COP1: variants seen among roughly 807,000 people sequenced by gnomAD.
COP1 encodes the protein E3 ubiquitin-protein ligase COP1.
Under a neutral mutation model 101.3 loss-of-function variants are expected in COP1, and 24 were observed. The observed-to-expected ratio is 0.24, with a 90% confidence interval of 0.17 to 0.33. The LOEUF (loss-of-function observed/expected upper bound fraction) is 0.33. Among genes scored for constraint, COP1 ranks in the 10% least tolerant of loss-of-function variants. The pLI is 1.00. For missense variants in COP1, 663 were observed against 906.2 expected (o/e 0.73, Z 3.45); for synonymous variants, 347 against 341.9 (o/e 1.01, Z -0.17).
At chr1:176,128,900 C>G (rs1183070151) in intron 8 of COP1, among the ~76,000 whole-genome samples, 1 of 151,854 alleles carries the variant, frequency 6.6e-6, no homozygotes, top group Non-Finnish European at 1.5e-5. Flanking sequence ...AGGTAATAAT[C>G]CAGCCAAAGA....
At chr1:176,063,743 G>A (rs547812717) in intron 11 of COP1, among the ~76,000 whole-genome samples, 11 of 152,220 alleles carry the variant, frequency 7.2e-5, no homozygotes, top group African/African-American at 2.4e-4. Context: ...TTTTTGGGGG[G>A]CTCTGTTTGA....
Position 175,988,400 on chromosome 1 carries a change from ACTGT to A in COP1, c.1856_1859del (p.Asp619ValfsTer3). 6.2e-7 allele frequency: 1 copy of A among 1,601,834 alleles called. No homozygotes were observed. The highest frequency in any genetic ancestry group is 8.5e-7 in the Non-Finnish European group (1 of 1,171,974). On this transcript the variant is annotated frameshift_variant, in exon 17 of 20. Coordinates refer to ENST00000367669, the MANE Select transcript of COP1 (RefSeq NM_022457.7). LOFTEE classifies it high-confidence loss of function. ...TCCCTACATTCCACAGTTTTAGCTGACTGTCTGTTGAGCTGAGGAAAAGTACAAA... is the reference window on the plus strand; with the variant it reads ...TCCCTACATTCCACAGTTTTAGCTGACTGTTGAGCTGAGGAAAAGTACAAA...
At chr1:176,139,288 C>CAAAAAAAAAAAAAA (rs563184945) in intron 6 of COP1, among the ~76,000 whole-genome samples, 9 of 108,356 alleles carry the variant, frequency 8.3e-5, no homozygotes, top group African/African-American at 2.2e-4. Context: ...ACAAAAAAAA[C>CAAAAAAAAAAAAAA]AAAAAAAAAA....
In COP1 at chr1:175,960,329, A is replaced by G. The variant is rs187887951; in HGVS notation, c.2134-13090T>C. Among the ~76,000 whole-genome samples the G allele has an allele frequency of 8.1e-4, 123 of 152,360 alleles. 3 individuals carry two copies. Among genetic ancestry groups the G allele is most frequent in the African/African-American group, 2.4e-3 (99 of 41,590 alleles). ...TTGACCTCTCTGAATCTCAGTCTCCATAACTATAAAACAATGCTAATAAAA... is the reference window on the plus strand; with the variant it reads ...TTGACCTCTCTGAATCTCAGTCTCCGTAACTATAAAACAATGCTAATAAAA... On this transcript the variant is annotated intron_variant, in intron 18 of 19. Transcript: ENST00000367669.
At chr1:176,000,872 T>C (rs908929450) in intron 15 of COP1, among the ~76,000 whole-genome samples, 14 of 152,188 alleles carry the variant, frequency 9.2e-5, no homozygotes, top group African/African-American at 3.4e-4. Flanking sequence ...GGGATTATAA[T>C]TGGCATGTTA....
At chr1:175,948,954 G>A (rs1649510484) in intron 18 of COP1, among the ~76,000 whole-genome samples, 1 of 151,880 alleles carries the variant, frequency 6.6e-6, no homozygotes, top group Non-Finnish European at 1.5e-5. Context: ...CATGAGGTCA[G>A]AAGATCGAGA....
intron 15 of COP1, among the ~76,000 whole-genome samples, chr1:176,005,394 C>A (rs187117197): frequency 6.6e-6 from 1 of 152,060 alleles, no homozygotes; most frequent in Admixed American, 6.5e-5. Flanking sequence ...CTTCTGCTAG[C>A]TTTTGAATGT....
chr1:175,998,420 C>G (rs756573459), intron 15 of COP1, among the ~76,000 whole-genome samples: 4 of 150,922 alleles, frequency 2.7e-5, no homozygotes, highest in Non-Finnish European at 5.9e-5. Flanking sequence ...ATGTAACTAA[C>G]CTGCACATTG....
intron 18 of COP1, among the ~76,000 whole-genome samples, chr1:175,963,978 T>C (rs934692173): frequency 1.3e-5 from 2 of 152,212 alleles, no homozygotes; most frequent in African/African-American, 4.8e-5. Context: ...GATTCGTATA[T>C]AAAATGTTAA....
In COP1 at chr1:176,189,846, TACAATA is replaced by T. The variant is rs143300534; in HGVS notation, c.408-5160_408-5155del. 2.6e-3 allele frequency among the ~76,000 whole-genome samples: 387 copies of T among 151,136 alleles called. 1 individual carries two copies. The highest frequency in any genetic ancestry group is 4.1e-3 in the Non-Finnish European group (280 of 67,714). On this transcript the variant is annotated intron_variant, in intron 1 of 19. Coordinates refer to ENST00000367669, the MANE Select transcript of COP1 (RefSeq NM_022457.7). ...ATATTTCAAAATGGACTGAAAGAAA[TACAATA>T]ACAATAATTAAAAAACTGAAAGAAA...
At chr1:176,057,993 G>A (rs541010220) in intron 11 of COP1, among the ~76,000 whole-genome samples, 1 of 84,130 alleles carries the variant, frequency 1.2e-5, no homozygotes, top group South Asian at 4.6e-4. Flanking sequence ...CGCCCCGTCT[G>A]AGAGGTGAGG....
intron 18 of COP1, among the ~76,000 whole-genome samples, chr1:175,976,536 C>T (rs1654641418): frequency 6.6e-6 from 1 of 151,946 alleles, no homozygotes; most frequent in Non-Finnish European, 1.5e-5. Context: ...CCTCAGTTTC[C>T]CAAAGTGCTG....
rs1421312510 is a variant in COP1, at chr1:176,207,275, G to GCC, written c.-298_-297insGG. 1 of 387,444 alleles carries GCC rather than the reference G, an allele frequency of 2.6e-6. No individual in the cohort carries two copies. Among genetic ancestry groups the GCC allele is most frequent in the African/African-American group, 2.1e-5 (1 of 48,080 alleles). The allele number at this position is 387,444 out of a possible 1,614,324, so 24.0% of individuals were successfully genotyped here. On this transcript the variant is annotated 5_prime_UTR_variant, in exon 1 of 20. Coordinates refer to ENST00000367669, the MANE Select transcript of COP1 (RefSeq NM_022457.7). ...CGGCGCGCCGTGGCCGGCCGTGCGC[G>GCC]CGCGCGCGAGCGGCGGAAGAGGCGG...
At chr1:176,122,031 T>C (rs1485607757) in intron 8 of COP1, among the ~76,000 whole-genome samples, 3 of 151,250 alleles carry the variant, frequency 2.0e-5, no homozygotes, top group African/African-American at 4.9e-5. Flanking sequence ...TCCCAGCTAC[T>C]CAGGAGGCTG....
chr1:176,170,527 G>C (rs549961441), intron 3 of COP1, among the ~76,000 whole-genome samples: 10 of 152,280 alleles, frequency 6.6e-5, no homozygotes, highest in African/African-American at 2.2e-4. Flanking sequence ...GTAGTATTTT[G>C]AAAGGAATCT....
chr1:176,148,557 C>T (rs1172876846), intron 6 of COP1, among the ~76,000 whole-genome samples: 2 of 152,002 alleles, frequency 1.3e-5, no homozygotes, highest in African/African-American at 4.8e-5. Context: ...ACAAAATTGC[C>T]TTTTAACTAT....
chr1:176,172,469 T>C (rs771550525), intron 3 of COP1, among the ~76,000 whole-genome samples: 1 of 152,164 alleles, frequency 6.6e-6, no homozygotes, highest in Non-Finnish European at 1.5e-5. Context: ...CTTTAAAGAG[T>C]ACTGCTGTAG....
intron 9 of COP1, among the ~76,000 whole-genome samples, chr1:176,093,799 C>T (rs1681807909): frequency 6.6e-6 from 1 of 152,082 alleles, no homozygotes; most frequent in Non-Finnish European, 1.5e-5. Flanking sequence ...GAGATCAAGC[C>T]ACTACTCCAG....
chr1:176,127,913 T>C (rs1688284521), intron 8 of COP1, among the ~76,000 whole-genome samples: 1 of 152,118 alleles, frequency 6.6e-6, no homozygotes. Context: ...TTGTTTCATC[T>C]TTCTGATAAT....
Sources: allele counts gnomAD v4.1 joint callset (sites outside exome capture counted in the v4.1 genomes callset), GRCh38; gene constraint gnomAD v4.1.1; transcripts MANE v1.5; gene names NCBI Gene and HGNC (gene_info 2026-07-23, HGNC 2026-07-21).